The following CNTNAP2 variants were observed in gnomAD, a reference collection of about 807,000 sequenced individuals.
CNTNAP2 encodes contactin associated protein 2, also known as contactin-associated protein-like 2.
In CNTNAP2, 98 loss-of-function variants were observed where a neutral mutation model predicts 155.2. The observed-to-expected ratio is 0.63, with a 90% CI of 0.54 to 0.75. The LOEUF (loss-of-function observed/expected upper bound fraction) is 0.75, where lower values mean the gene tolerates loss of function less well. CNTNAP2 is among the 30% of genes least tolerant of loss of function. The probability of loss-of-function intolerance (pLI) is 0.00; values close to 1 mark genes in which losing one functional copy is unlikely to be tolerated. For missense variants in CNTNAP2, 1,727 were observed against 1,688.1 expected (o/e 1.02, Z -0.40); for synonymous variants, 651 against 631.2 (o/e 1.03, Z -0.47).
intron 3 of CNTNAP2, among the ~76,000 whole-genome samples, chr7:146,880,592 G>A (rs760571886): frequency 1.3e-5 from 2 of 152,198 alleles, no homozygotes; most frequent in East Asian, 3.9e-4. Context: ...ACAGATGGGA[G>A]CTTTTTATTA....
intron 15 of CNTNAP2, among the ~76,000 whole-genome samples, chr7:148,056,070 A>G (rs1446955852): frequency 6.6e-6 from 1 of 152,220 alleles, no homozygotes; most frequent in Non-Finnish European, 1.5e-5. Flanking sequence ...AGTGACTTTG[A>G]ATAAAAGATA....
chr7:148,331,768 T>TGGATGGGGTAGAC (rs1554419714), intron 21 of CNTNAP2, among the ~76,000 whole-genome samples: 1,125 of 13,038 alleles, frequency 0.086, 259 homozygotes, highest in Non-Finnish European at 0.13. Context: ...ATGGATTGGA[T>TGGATGGGGTAGAC]GGATGGAATG....
At chr7:148,292,128 T>C (rs948899087) in intron 21 of CNTNAP2, among the ~76,000 whole-genome samples, 1 of 152,206 alleles carries the variant, frequency 6.6e-6, no homozygotes, top group African/African-American at 2.4e-5. Flanking sequence ...TTTGTTTTGT[T>C]CTGTTTTTTG....
rs1187671998 is a variant in CNTNAP2 at position 146,252,351 on chromosome 7, C to G, written c.97+135378C>G. ...TAGTAATCCACTGTATTACATATGC[C>G]ACCAAATGATTCAGCAACTTTCCAG... On this transcript the variant is annotated intron_variant, in intron 1 of 23. Transcript: ENST00000361727. Among the ~76,000 whole-genome samples, 3 of 152,100 alleles carry G rather than the reference C, an allele frequency of 2.0e-5. No individual in the cohort carries two copies. The East Asian group carries it at 5.8e-4, about 29-fold the overall frequency.
chr7:148,104,976 A>AC (rs1423551778), intron 15 of CNTNAP2, among the ~76,000 whole-genome samples: 1 of 152,228 alleles, frequency 6.6e-6, no homozygotes, highest in Non-Finnish European at 1.5e-5. Context: ...TATTAAAAAA[A>AC]ACACACTATT....
intron 1 of CNTNAP2, among the ~76,000 whole-genome samples, chr7:146,485,222 G>C (rs1350763849): frequency 6.6e-6 from 1 of 151,980 alleles, no homozygotes; most frequent in African/African-American, 2.4e-5. Context: ...ATAAAACAGA[G>C]AGTGGAAAAA....
chr7:147,154,937 T>C (rs756301252), intron 8 of CNTNAP2, among the ~76,000 whole-genome samples: 7 of 152,056 alleles, frequency 4.6e-5, no homozygotes, highest in Middle Eastern at 6.8e-3. Flanking sequence ...AAAGTGGAAA[T>C]CACCCAGTTA....
intron 1 of CNTNAP2, among the ~76,000 whole-genome samples, chr7:146,375,758 C>T (rs73162196): frequency 0.082 from 12,500 of 152,130 alleles, 1,147 homozygotes; most frequent in African/African-American, 0.22. Flanking sequence ...GATGTAGATT[C>T]GATTTCATCG....
chr7:146,908,159 G>T (rs942534069), intron 3 of CNTNAP2, among the ~76,000 whole-genome samples: 39 of 152,162 alleles, frequency 2.6e-4, no homozygotes, highest in African/African-American at 8.9e-4. Context: ...AGCAAGTCCT[G>T]AGTGACCTAC....
At chr7:148,287,783 CTTTCTTTT>C (rs1797108126) in intron 21 of CNTNAP2, among the ~76,000 whole-genome samples, 2 of 110,942 alleles carry the variant, frequency 1.8e-5, no homozygotes, top group South Asian at 3.3e-4. Context: ...CTCTTTCTTT[CTTTCTTTT>C]TTTCTTTTTT....
chr7:147,914,095 G>T (rs1800116568), intron 14 of CNTNAP2, among the ~76,000 whole-genome samples: 1 of 151,986 alleles, frequency 6.6e-6, no homozygotes, highest in Admixed American at 6.6e-5. Context: ...AAATGTCCAT[G>T]AATAGAGTTT....
chr7:147,174,007 T>C (rs190223603), intron 8 of CNTNAP2, among the ~76,000 whole-genome samples: 1 of 152,228 alleles, frequency 6.6e-6, no homozygotes, highest in Non-Finnish European at 1.5e-5. Context: ...AGGGAACTGA[T>C]TATGCCTAAA....
chr7:146,329,295 A>T (rs922031470), intron 1 of CNTNAP2, among the ~76,000 whole-genome samples: 2 of 152,194 alleles, frequency 1.3e-5, no homozygotes, highest in African/African-American at 4.8e-5. Flanking sequence ...TTTTTAAAAT[A>T]ACTTTAACCT....
chr7:146,913,632 G>A (rs28581978), intron 3 of CNTNAP2, among the ~76,000 whole-genome samples: 1 of 151,902 alleles, frequency 6.6e-6, no homozygotes, highest in African/African-American at 2.4e-5. Context: ...AGCTTTCTTG[G>A]GATTCTAAGG....
chr7:147,775,710 GAAGAT>G (rs1384627544), intron 13 of CNTNAP2, among the ~76,000 whole-genome samples: 1 of 151,886 alleles, frequency 6.6e-6, no homozygotes, highest in African/African-American at 2.4e-5. Context: ...TGAATCAATA[GAAGAT>G]AAGTGTGCAA....
At chr7:146,920,265 T>C (rs1458518624) in intron 3 of CNTNAP2, among the ~76,000 whole-genome samples, 1 of 151,968 alleles carries the variant, frequency 6.6e-6, no homozygotes, top group African/African-American at 2.4e-5. Context: ...AATACAAAAA[T>C]TAGTCGATCA....
At chr7:146,802,833 G>A (rs1802904438) in intron 2 of CNTNAP2, among the ~76,000 whole-genome samples, 1 of 152,076 alleles carries the variant, frequency 6.6e-6, no homozygotes, top group Admixed American at 6.6e-5. Flanking sequence ...CTATCATAAG[G>A]TCAATTGATT....
chr7:147,734,748 G>T (rs1325163820), intron 13 of CNTNAP2, among the ~76,000 whole-genome samples: 1 of 152,108 alleles, frequency 6.6e-6, no homozygotes, highest in African/African-American at 2.4e-5. Flanking sequence ...GTCTTGGAAG[G>T]GTGTATGTGT....
chr7:147,665,007 A>G (rs749987828), intron 13 of CNTNAP2, among the ~76,000 whole-genome samples: 1 of 152,206 alleles, frequency 6.6e-6, no homozygotes, highest in Non-Finnish European at 1.5e-5. Flanking sequence ...TATAATATTT[A>G]CAGAGGTATG....
Sources: allele counts gnomAD v4.1 joint callset (sites outside exome capture counted in the v4.1 genomes callset), GRCh38; gene constraint gnomAD v4.1.1; transcripts MANE v1.5; gene names NCBI Gene and HGNC (gene_info 2026-07-23, HGNC 2026-07-21).